MACROD1: variants seen among roughly 807,000 people sequenced by gnomAD.
The protein encoded by MACROD1 is mono-ADP ribosylhydrolase 1.
In MACROD1, 31 loss-of-function variants were observed where a neutral mutation model predicts 41.4. The observed-to-expected ratio is 0.75, with a 90% CI of 0.56 to 1.01. The LOEUF (loss-of-function observed/expected upper bound fraction) is 1.01, where lower values mean the gene tolerates loss of function less well. Among genes scored for constraint, MACROD1 ranks in the 50% least tolerant of loss-of-function variants. The probability of loss-of-function intolerance (pLI) is 0.00; values close to 1 mark genes in which losing one functional copy is unlikely to be tolerated. For synonymous variants in MACROD1, 252 were observed against 203.4 expected (o/e 1.24, Z -2.03); for missense variants, 473 against 460.0 (o/e 1.03, Z -0.26).
At chr11:64,044,171 A>G (rs1233018314) in intron 3 of MACROD1, among the ~76,000 whole-genome samples, 7 of 151,882 alleles carry the variant, frequency 4.6e-5, no homozygotes, top group African/African-American at 1.7e-4. Context: ...ACAACACATG[A>G]GAGTAATCAA....
chr11:64,109,949 G>A (rs1944830164), intron 3 of MACROD1, among the ~76,000 whole-genome samples: 1 of 152,144 alleles, frequency 6.6e-6, no homozygotes, highest in Non-Finnish European at 1.5e-5. Context: ...GCAGAAGCTA[G>A]GCCGTGTGTC....
intron 3 of MACROD1, among the ~76,000 whole-genome samples, chr11:64,150,549 C>T (rs1316800818): frequency 2.0e-5 from 3 of 152,198 alleles, no homozygotes; most frequent in Non-Finnish European, 4.4e-5. Context: ...GGGGTTCAGC[C>T]GCCACTCAAC....
intron 3 of MACROD1, chr11:64,118,348 T>C: frequency 4.0e-6 from 6 of 1,496,020 alleles, no homozygotes; most frequent in Non-Finnish European, 5.4e-6. Flanking sequence ...CGTGGCCATG[T>C]GGCTTTGCCC....
chr11:64,137,281 G>A (rs1180799004), intron 3 of MACROD1, among the ~76,000 whole-genome samples: 4 of 152,206 alleles, frequency 2.6e-5, no homozygotes, highest in Non-Finnish European at 5.9e-5. Flanking sequence ...GCAGCGGCGG[G>A]GGGGTCTCCT....
chr11:64,153,093 C>G (rs1002985450), intron 1 of MACROD1, among the ~76,000 whole-genome samples: 6 of 151,780 alleles, frequency 4.0e-5, no homozygotes, highest in Non-Finnish European at 7.4e-5. Context: ...CTCACAGACT[C>G]GGGGTCCACC....
chr11:64,061,641 A>T (rs1943905732), intron 3 of MACROD1, among the ~76,000 whole-genome samples: 1 of 151,768 alleles, frequency 6.6e-6, no homozygotes, highest in South Asian at 2.1e-4. Context: ...TTAGGCAGCT[A>T]GGGCACTTTT....
chr11:64,003,296 C>A (rs1277698363), intron 4 of MACROD1, among the ~76,000 whole-genome samples: 1 of 152,236 alleles, frequency 6.6e-6, no homozygotes, highest in African/African-American at 2.4e-5. Flanking sequence ...TGGCTCACTG[C>A]AACCTCTGCC....
At chr11:63,999,113 A>G (rs916475355) in intron 8 of MACROD1, 77 bp from the exon 9 acceptor site, 22 of 1,438,038 alleles carry the variant, frequency 1.5e-5, no homozygotes, top group Non-Finnish European at 2.1e-5. Flanking sequence ...GCCCTGGTGC[A>G]GGCTTTCACC....
intron 4 of MACROD1, among the ~76,000 whole-genome samples, chr11:64,003,304 G>A (rs1030090462): frequency 2.0e-5 from 3 of 152,138 alleles, no homozygotes; most frequent in Admixed American, 6.5e-5. Context: ...TGCAACCTCT[G>A]CCTCCTGGGT....
Position 64,099,997 on chromosome 11 carries a change from C to T in MACROD1, c.517+51242G>A, listed in dbSNP as rs373074040. On this transcript the variant is annotated intron_variant, in intron 3 of 10. Coordinates refer to ENST00000255681, the MANE Select transcript of MACROD1 (RefSeq NM_014067.4). The stretch of plus-strand genomic sequence containing the variant: ...AGTGTTTGGTGGATGGTCCGTTTCT[C>T]TTGCGCTGTCTTGGAGTAGTGCAGC... Among the ~76,000 whole-genome samples, 16 of 152,280 alleles carry T rather than the reference C, an allele frequency of 1.1e-4. No homozygotes were observed. In the East Asian group the frequency reaches 2.9e-3, roughly 28 times the overall value.
At chr11:64,050,933 C>A (rs143107127) in intron 3 of MACROD1, among the ~76,000 whole-genome samples, 1 of 152,330 alleles carries the variant, frequency 6.6e-6, no homozygotes, top group African/African-American at 2.4e-5. Flanking sequence ...CCTTGCTTTT[C>A]TTGACCCTCC....
chr11:64,142,642 C>G (rs1040077778), intron 3 of MACROD1, among the ~76,000 whole-genome samples: 27 of 152,168 alleles, frequency 1.8e-4, no homozygotes, highest in Non-Finnish European at 1.2e-4. Flanking sequence ...TAACCACTGC[C>G]CGATCTTGTG....
rs777319814 is a variant in MACROD1, at chr11:64,118,268, C to A, written c.517+32971G>T. 17 of 1,589,968 alleles carry A rather than the reference C, an allele frequency of 1.1e-5. No individual in the cohort carries two copies. In the East Asian group the frequency reaches 3.8e-4, roughly 36 times the overall value. The stretch of plus-strand genomic sequence containing the variant: ...GGGGCTACCGGGACGGCGGCATCCC[C>A]GACATAGACTACTCCTACACATGAT... On this transcript the variant is annotated intron_variant, in intron 3 of 10. Transcript: ENST00000255681.
chr11:64,106,433 C>A (rs573161734), intron 3 of MACROD1, among the ~76,000 whole-genome samples: 12 of 152,324 alleles, frequency 7.9e-5, no homozygotes, highest in Admixed American at 7.8e-4. Context: ...CTGTGCCAGG[C>A]TCCATGCCAG....
intron 1 of MACROD1, among the ~76,000 whole-genome samples, chr11:64,157,363 G>A (rs565692773): frequency 5.9e-5 from 9 of 152,260 alleles, no homozygotes; most frequent in African/African-American, 2.2e-4. Flanking sequence ...GAAAGTGCTG[G>A]GATTACAGGC....
chr11:64,060,843 C>A (rs1328945518), intron 3 of MACROD1, among the ~76,000 whole-genome samples: 1 of 152,194 alleles, frequency 6.6e-6, no homozygotes, highest in Admixed American at 6.5e-5. Flanking sequence ...CCGGAGCCGG[C>A]GGGTGTGAAC....
chr11:64,109,539 C>T (rs1249820327), intron 3 of MACROD1, among the ~76,000 whole-genome samples: 1 of 151,976 alleles, frequency 6.6e-6, no homozygotes, highest in African/African-American at 2.4e-5. Context: ...CAGGACTTCT[C>T]AGGGGTGGGA....
intron 3 of MACROD1, among the ~76,000 whole-genome samples, chr11:64,105,728 T>G (rs956977985): frequency 6.6e-6 from 1 of 152,158 alleles, no homozygotes; most frequent in Non-Finnish European, 1.5e-5. Flanking sequence ...GTTGAGACAC[T>G]GTTCCCCAGC....
In MACROD1 at chr11:64,036,931, G is replaced by A. The variant is rs1028666765; in HGVS notation, c.518-21650C>T. 1.3e-5 allele frequency among the ~76,000 whole-genome samples: 2 copies of A among 152,212 alleles called. No individual in the cohort carries two copies. Among genetic ancestry groups the A allele is most frequent in the African/African-American group, 4.8e-5 (2 of 41,456 alleles). ...GGGGAGTGTTGTCGCCCAGCTGCAGGGAACCGTGGTTGATCAGAGCTCCCC... is the reference window on the plus strand; with the variant it reads ...GGGGAGTGTTGTCGCCCAGCTGCAGAGAACCGTGGTTGATCAGAGCTCCCC... On this transcript the variant is annotated intron_variant, in intron 3 of 10. Coordinates refer to ENST00000255681, the MANE Select transcript of MACROD1 (RefSeq NM_014067.4). The surrounding 1 kb of genome is among the most constrained non-coding windows in gnomAD (Gnocchi z 5.6).
Sources: gnomAD v4.1 joint callset for allele counts (sites outside exome capture counted in the v4.1 genomes callset) on GRCh38, gnomAD v4.1.1 for gene constraint, Gnocchi (gnomAD v3.1) non-coding constraint, MANE v1.5 for transcripts, NCBI Gene and HGNC (gene_info 2026-07-23, HGNC 2026-07-21) for gene names.